GPC5: variants seen among roughly 807,000 people sequenced by gnomAD.
GPC5 encodes the protein glypican-5.
A neutral mutation model predicts 53.9 loss-of-function variants in GPC5; 47 were observed. That is an observed-to-expected ratio of 0.87 (90% CI 0.69 to 1.11). The LOEUF (loss-of-function observed/expected upper bound fraction) is 1.11, where lower values mean the gene tolerates loss of function less well. Among genes scored for constraint, GPC5 ranks in the 50% most tolerant of loss-of-function variants. The pLI is 0.00. For synonymous variants in GPC5, 286 were observed against 263.3 expected (o/e 1.09, Z -0.84); for missense variants, 748 against 713.1 (o/e 1.05, Z -0.56).
intron 6 of GPC5, among the ~76,000 whole-genome samples, chr13:92,058,931 G>A (rs1361751971): frequency 6.6e-6 from 1 of 152,160 alleles, no homozygotes. Context: ...CATTGACTCT[G>A]AGCCTTTGCA....
Position 91,736,093 on chromosome 13 carries a change from G to A in GPC5, c.1154+7428G>A, listed in dbSNP as rs967625108. ...AAATCAGTATATATTTTCAAGGATG[G>A]GATATAGCAGAGTATTTATATTATA... On this transcript the variant is annotated intron_variant, in intron 4 of 7. Transcript: ENST00000377067. Among the ~76,000 whole-genome samples, 18 of 150,918 alleles carry A rather than the reference G, an allele frequency of 1.2e-4. 1 individual carries two copies. The highest frequency in any genetic ancestry group is 4.4e-4 in the African/African-American group (18 of 40,512).
At chr13:92,044,252 A>G (rs1273767616) in intron 6 of GPC5, among the ~76,000 whole-genome samples, 3 of 152,216 alleles carry the variant, frequency 2.0e-5, no homozygotes, top group African/African-American at 7.2e-5. Context: ...CATACAACAG[A>G]CTATTCTTCA....
chr13:91,521,446 A>C (rs768753769), intron 2 of GPC5, among the ~76,000 whole-genome samples: 1 of 152,240 alleles, frequency 6.6e-6, no homozygotes, highest in Non-Finnish European at 1.5e-5. Context: ...TTCAAGAGGC[A>C]TCATACAGAT....
intron 6 of GPC5, among the ~76,000 whole-genome samples, chr13:92,122,373 A>G (rs1484743193): frequency 1.3e-5 from 2 of 151,778 alleles, no homozygotes; most frequent in African/African-American, 4.8e-5. Context: ...GAAACTTCTG[A>G]AGAGATACTG....
intron 4 of GPC5, among the ~76,000 whole-genome samples, chr13:91,734,937 T>C (rs1372326923): frequency 6.6e-6 from 1 of 150,942 alleles, no homozygotes; most frequent in Non-Finnish European, 1.5e-5. Context: ...TTCTACTAGA[T>C]TTTTTTTCAG....
At chr13:91,845,801 C>T (rs1359101138) in intron 5 of GPC5, among the ~76,000 whole-genome samples, 2 of 152,076 alleles carry the variant, frequency 1.3e-5, no homozygotes, top group Non-Finnish European at 2.9e-5. Context: ...GTTATCGTTC[C>T]TGAAGAGATA....
chr13:92,190,707 T>TA (rs749272929), intron 7 of GPC5, among the ~76,000 whole-genome samples: 151 of 151,930 alleles, frequency 9.9e-4, no homozygotes, highest in Non-Finnish European at 2.0e-3. Context: ...TTTTAAAAAC[T>TA]AAAAAATGAA....
intron 7 of GPC5, among the ~76,000 whole-genome samples, chr13:92,603,157 T>C (rs1169986391): frequency 6.6e-6 from 1 of 152,166 alleles, no homozygotes; most frequent in Non-Finnish European, 1.5e-5. Context: ...AATGGTATAG[T>C]ATGGATAAAG....
intron 7 of GPC5, among the ~76,000 whole-genome samples, chr13:92,820,055 C>A (rs963653405): frequency 6.6e-6 from 1 of 152,120 alleles, no homozygotes. Context: ...TACCCGATTA[C>A]TGTCTACTAA....
intron 1 of GPC5, among the ~76,000 whole-genome samples, chr13:91,430,813 G>A (rs1024928661): frequency 6.6e-6 from 1 of 152,122 alleles, no homozygotes; most frequent in Non-Finnish European, 1.5e-5. Context: ...CCATTAATGT[G>A]CGTGTTAAAC....
intron 2 of GPC5, among the ~76,000 whole-genome samples, chr13:91,504,058 A>G (rs1023463666): frequency 1.3e-5 from 2 of 151,978 alleles, no homozygotes; most frequent in Admixed American, 1.3e-4. Flanking sequence ...ATTTCATCAT[A>G]GCATAACAAA....
intron 7 of GPC5, among the ~76,000 whole-genome samples, chr13:92,655,457 C>A (rs576878997): frequency 2.6e-5 from 4 of 152,220 alleles, no homozygotes; most frequent in African/African-American, 9.6e-5. Context: ...GCCTTAGCCT[C>A]CTGAGTAGCT....
At chr13:91,788,209 C>T (rs1371824586) in intron 5 of GPC5, among the ~76,000 whole-genome samples, 15 of 152,182 alleles carry the variant, frequency 9.9e-5, no homozygotes, top group African/African-American at 2.7e-4. Context: ...GGGCCTTCTT[C>T]CTGGTTTGCA....
At chr13:92,454,012 G>T (rs575794550) in intron 7 of GPC5, among the ~76,000 whole-genome samples, 1 of 152,116 alleles carries the variant, frequency 6.6e-6, no homozygotes, top group African/African-American at 2.4e-5. Context: ...TCAGGGTCAG[G>T]GTCAGAAATA....
chr13:92,729,959 T>C (rs939430833), intron 7 of GPC5, among the ~76,000 whole-genome samples: 2 of 151,330 alleles, frequency 1.3e-5, no homozygotes, highest in Admixed American at 6.6e-5. Flanking sequence ...AGGATCTACA[T>C]TGTTAAGTAT....
chr13:92,112,906 T>C (rs2041569736), intron 6 of GPC5, among the ~76,000 whole-genome samples: 1 of 152,138 alleles, frequency 6.6e-6, no homozygotes, highest in South Asian at 2.1e-4. Context: ...TTTATGCCTA[T>C]TTACATAAAA....
Position 92,268,313 on chromosome 13 carries a change from C to A in GPC5, c.1561+123324C>A, listed in dbSNP as rs367993534. 6.6e-5 allele frequency among the ~76,000 whole-genome samples: 10 copies of A among 151,914 alleles called. No homozygotes were observed. In the East Asian group the frequency reaches 9.7e-4, roughly 15 times the overall value. Reference sequence around the variant, plus strand: ...TGACATATATAAAGTACAAATTATTCTTCCCATTTCAGCCCTTTGATTTGG... The same window carrying A: ...TGACATATATAAAGTACAAATTATTATTCCCATTTCAGCCCTTTGATTTGG... On this transcript the variant is annotated intron_variant, in intron 7 of 7. Transcript: ENST00000377067.
At chr13:92,242,012 T>A (rs1175601573) in intron 7 of GPC5, 2 of 152,278 alleles carry the variant, frequency 1.3e-5, no homozygotes, top group Non-Finnish European at 2.9e-5. Flanking sequence ...GCAGGCAGAT[T>A]GCCTGAGGTC....
chr13:91,800,831 T>A (rs1449723956), intron 5 of GPC5, among the ~76,000 whole-genome samples: 1 of 152,126 alleles, frequency 6.6e-6, no homozygotes, highest in Non-Finnish European at 1.5e-5. Flanking sequence ...TTATGTGTAG[T>A]ATATATACTT....
Sources: allele counts gnomAD v4.1 joint callset (sites outside exome capture counted in the v4.1 genomes callset), GRCh38; gene constraint gnomAD v4.1.1; transcripts MANE v1.5; gene names NCBI Gene and HGNC (gene_info 2026-07-23, HGNC 2026-07-21).